HDAC8: variants seen among roughly 807,000 people sequenced by gnomAD.
HDAC8 encodes histone deacetylase 8.
A neutral mutation model predicts 32.2 loss-of-function variants in HDAC8; 1 was observed. The observed-to-expected ratio is 0.03, with a 90% CI of 0.01 to 0.15. The LOEUF is 0.15. HDAC8 is among the 10% of genes least tolerant of loss of function. The probability of loss-of-function intolerance (pLI) is 1.00; values close to 1 mark genes in which losing one functional copy is unlikely to be tolerated. For synonymous variants in HDAC8, 108 were observed against 113.9 expected, an observed-to-expected ratio of 0.95 and a Z score of 0.33; for missense variants, 117 against 300.0, an observed-to-expected ratio of 0.39 and a Z score of 4.51.
chrX:72,458,244 A>G (rs1269342129), intron 9 of HDAC8, among the ~76,000 whole-genome samples: 1 of 112,766 alleles, frequency 8.9e-6, no homozygotes, highest in Non-Finnish European at 1.9e-5. Context: ...TGGCTGGCCA[A>G]CCTGGCTCCC....
chrX:72,331,022 G>A (rs782809158), intron 10 of HDAC8: 3 of 98,162 alleles, frequency 3.1e-5, no homozygotes, highest in African/African-American at 7.9e-5. Context: ...GCGCGGTCTC[G>A]GCTCACTGCA....
At chrX:72,426,189 C>T (rs782591964) in intron 9 of HDAC8, among the ~76,000 whole-genome samples, 4 of 112,089 alleles carry the variant, frequency 3.6e-5, no homozygotes, top group Non-Finnish European at 7.5e-5. Context: ...ACTGGAATGG[C>T]GAAGAGGAAG....
At chrX:72,341,287 C>T (rs1468620489) in intron 10 of HDAC8, among the ~76,000 whole-genome samples, 1 of 111,675 alleles carries the variant, frequency 9.0e-6, no homozygotes, top group Non-Finnish European at 1.9e-5. Context: ...CTAGTGTGCA[C>T]GTATGTGTCA....
chrX:72,425,454 G>A (rs1555975093), intron 9 of HDAC8, among the ~76,000 whole-genome samples: 1 of 111,635 alleles, frequency 9.0e-6, no homozygotes, highest in South Asian at 3.8e-4. Flanking sequence ...TTTCTGCTGT[G>A]GTCTATCTTG....
At chrX:72,434,761 T>G (rs1034035222) in intron 9 of HDAC8, among the ~76,000 whole-genome samples, 22 of 111,840 alleles carry the variant, frequency 2.0e-4, no homozygotes, top group Middle Eastern at 4.2e-3. Context: ...TATCTAAAAT[T>G]TATTGAGTGC....
chrX:72,384,761 T>A (rs956932559), intron 9 of HDAC8, among the ~76,000 whole-genome samples: 1 of 112,632 alleles, frequency 8.9e-6, no homozygotes, highest in Non-Finnish European at 1.9e-5. Context: ...AAAGAATAAG[T>A]CCTTGCTGTG....
intron 10 of HDAC8, among the ~76,000 whole-genome samples, chrX:72,335,071 A>C (rs1350651940): frequency 2.7e-5 from 3 of 112,307 alleles, no homozygotes; most frequent in Non-Finnish European, 5.6e-5. Context: ...CTGAAGAGAA[A>C]GTACAGAGAG....
intron 4 of HDAC8, among the ~76,000 whole-genome samples, chrX:72,527,703 A>G (rs1556033096): frequency 9.1e-6 from 1 of 110,412 alleles, no homozygotes; most frequent in Non-Finnish European, 1.9e-5. Flanking sequence ...AGTTCCTGAC[A>G]TACAGCATGT....
chrX:72,552,137 A>G (rs782697544), intron 4 of HDAC8, among the ~76,000 whole-genome samples: 3 of 112,338 alleles, frequency 2.7e-5, no homozygotes, highest in African/African-American at 9.7e-5. Flanking sequence ...GAAACAGAAA[A>G]GATGTGAGTA....
At chrX:72,510,132 C>T (rs1280023204) in intron 4 of HDAC8, among the ~76,000 whole-genome samples, 2 of 111,897 alleles carry the variant, frequency 1.8e-5, no homozygotes, top group Admixed American at 9.5e-5. Context: ...CAGCGTCAAA[C>T]TGGAATAATT....
chrX:72,338,510 G>A (rs1290276907), intron 10 of HDAC8, among the ~76,000 whole-genome samples: 1 of 108,365 alleles, frequency 9.2e-6, no homozygotes, highest in African/African-American at 3.4e-5. Flanking sequence ...TTGGAGGTTG[G>A]GTGGCACCAC....
chrX:72,469,621 G>C (rs895471586), intron 7 of HDAC8, among the ~76,000 whole-genome samples: 2 of 111,973 alleles, frequency 1.8e-5, no homozygotes, highest in Non-Finnish European at 3.8e-5. Context: ...TTTTCTCTCT[G>C]TTCTGCTGGA....
In HDAC8 at chrX:72,499,887, A is replaced by G. The variant is rs782527519; in HGVS notation, c.438-4619T>C. On this transcript the variant is annotated intron_variant, in intron 4 of 10. Transcript: ENST00000373573. ...ATTAATAAGATAGGCCGCTAGCTAG[A>G]CTAATAAAGAAGAAAAGAAAGAAGA... Among the ~76,000 whole-genome samples the G allele has an allele frequency of 3.6e-5, 4 of 111,756 alleles. No individual in the cohort carries two copies. In the South Asian group the frequency reaches 1.5e-3, roughly 42 times the overall value.
chrX:72,445,135 C>T (rs2147996563), intron 9 of HDAC8, among the ~76,000 whole-genome samples: 1 of 110,493 alleles, frequency 9.1e-6, no homozygotes, highest in South Asian at 3.9e-4. Context: ...TCAATGCCAT[C>T]CCCATCAAGC....
chrX:72,415,371 C>G (rs1232852712), intron 9 of HDAC8, among the ~76,000 whole-genome samples: 1 of 112,027 alleles, frequency 8.9e-6, no homozygotes, highest in African/African-American at 3.2e-5. Flanking sequence ...AGTGAGTCCT[C>G]CTGCTTTATC....
intron 7 of HDAC8, among the ~76,000 whole-genome samples, chrX:72,488,235 G>A (rs1187474596): frequency 1.8e-5 from 2 of 111,293 alleles, no homozygotes; most frequent in African/African-American, 3.3e-5. Context: ...CTCAATCCCC[G>A]TTACTTACCT....
At chrX:72,400,181 G>A (rs2045866135) in intron 9 of HDAC8, among the ~76,000 whole-genome samples, 1 of 111,590 alleles carries the variant, frequency 9.0e-6, no homozygotes, top group Non-Finnish European at 1.9e-5. Flanking sequence ...CTAGGGATCA[G>A]TCTCTAGATA....
At chrX:72,503,023 G>A (rs1556017026) in intron 4 of HDAC8, among the ~76,000 whole-genome samples, 2 of 112,229 alleles carry the variant, frequency 1.8e-5, no homozygotes. Flanking sequence ...CTCTTTGTCA[G>A]TTGCTTTATT....
intron 4 of HDAC8, among the ~76,000 whole-genome samples, chrX:72,509,106 T>A (rs987677788): frequency 1.1e-5 from 1 of 91,999 alleles, no homozygotes; most frequent in Non-Finnish European, 2.0e-5. Flanking sequence ...CTCTTATCAA[T>A]TTTTTTTTTT....
Sources: allele counts gnomAD v4.1 joint callset (sites outside exome capture counted in the v4.1 genomes callset), GRCh38; gene constraint gnomAD v4.1.1; transcripts MANE v1.5; gene names NCBI Gene and HGNC (gene_info 2026-07-23, HGNC 2026-07-21).